The following CHL1 variants were observed in gnomAD, a reference collection of about 807,000 sequenced individuals.
CHL1 encodes cell adhesion molecule L1 like, also known as neural cell adhesion molecule L1-like protein.
In CHL1, 96 loss-of-function variants were observed where a neutral mutation model predicts 141.9. The ratio of observed to expected loss-of-function variants is 0.68; its 90% CI spans 0.57 to 0.80. The LOEUF is 0.80. CHL1 is among the 30% of genes least tolerant of loss of function. The pLI, the probability that CHL1 is intolerant of heterozygous loss-of-function variation, is 0.00. For synonymous variants in CHL1, 613 were observed against 502.2 expected (o/e 1.22, Z -2.95); for missense variants, 1,820 against 1,457.2 (o/e 1.25, Z -4.05).
At chr3:208,319 A>T (rs1324324220) in intron 1 of CHL1, among the ~76,000 whole-genome samples, 1 of 147,782 alleles carries the variant, frequency 6.8e-6, no homozygotes, top group Non-Finnish European at 1.5e-5. Context: ...TTAACAGTAA[A>T]ACAATCTGCC....
intron 15 of CHL1, among the ~76,000 whole-genome samples, chr3:375,214 G>A (rs955641529): frequency 2.6e-5 from 4 of 152,272 alleles, no homozygotes; most frequent in African/African-American, 9.6e-5. Flanking sequence ...ATGAAATGGA[G>A]CATGGCTATG....
intron 1 of CHL1, among the ~76,000 whole-genome samples, chr3:239,306 C>T (rs765673791): frequency 6.6e-6 from 1 of 152,146 alleles, no homozygotes; most frequent in Non-Finnish European, 1.5e-5. Context: ...ACTATTATCC[C>T]TTATTTACCA....
At chr3:221,114 C>T (rs542748422) in intron 1 of CHL1, among the ~76,000 whole-genome samples, 42 of 152,302 alleles carry the variant, frequency 2.8e-4, no homozygotes, top group African/African-American at 9.4e-4. Context: ...TGAGTTGTCT[C>T]ACCTTTCCAG....
rs997969836 is a variant in CHL1, at chr3:197,006, G to C, written c.-232G>C. 1 of 152,218 alleles carries C rather than the reference G, an allele frequency of 6.6e-6. No individual in the cohort carries two copies. The highest frequency in any genetic ancestry group is 1.5e-5 in the Non-Finnish European group (1 of 68,106). 9.4% of individuals were successfully genotyped at this position (152,218 alleles called of 1,614,324 possible). A position where few individuals can be genotyped will look rare whatever the true frequency, so the allele number is the denominator to read the frequency against. On this transcript the variant is annotated 5_prime_UTR_variant, in exon 1 of 28. Coordinates refer to ENST00000256509, the MANE Select transcript of CHL1 (RefSeq NM_006614.4). ...CCCCGTCCCGGCTCCCGGCCGGCTC[G>C]GGGGAGAAGGCGCCCGAGGGGAGGC...
intron 5 of CHL1, among the ~76,000 whole-genome samples, chr3:330,126 A>T (rs542512168): frequency 2.6e-5 from 4 of 152,148 alleles, no homozygotes; most frequent in African/African-American, 9.6e-5. Flanking sequence ...TTGATGATAT[A>T]TTGGGCTATG....
chr3:392,741 T>G (rs1383419203), intron 23 of CHL1, among the ~76,000 whole-genome samples: 1 of 152,230 alleles, frequency 6.6e-6, no homozygotes, highest in African/African-American at 2.4e-5. Context: ...GCAATCCAGG[T>G]CACGTATTTG....
At chr3:241,608 G>C (rs187610160) in intron 1 of CHL1, among the ~76,000 whole-genome samples, 13 of 150,074 alleles carry the variant, frequency 8.7e-5, no homozygotes, top group African/African-American at 2.7e-4. Flanking sequence ...TTTGCCTCAA[G>C]TCAGTAGAGT....
At chr3:396,745 G>T (rs1213230032) in intron 24 of CHL1, among the ~76,000 whole-genome samples, 1 of 151,998 alleles carries the variant, frequency 6.6e-6, no homozygotes, top group African/African-American at 2.4e-5. Flanking sequence ...CCAGCTAACT[G>T]CCCCCTTCCC....
At chr3:249,105 G>A (rs910440087) in intron 2 of CHL1, among the ~76,000 whole-genome samples, 3 of 152,148 alleles carry the variant, frequency 2.0e-5, no homozygotes, top group African/African-American at 7.2e-5. Flanking sequence ...GATTTTATTG[G>A]ACTGCACACG....
intron 7 of CHL1, 120 bp from the exon 8 acceptor site, chr3:342,864 G>C (rs1414500551): frequency 3.0e-6 from 2 of 664,448 alleles, no homozygotes; most frequent in Non-Finnish European, 5.0e-6. Context: ...ATGTTCTAGT[G>C]AAGCATGGTT....
chr3:239,446 C>T (rs530413260), intron 1 of CHL1, among the ~76,000 whole-genome samples: 3 of 152,150 alleles, frequency 2.0e-5, no homozygotes, highest in African/African-American at 7.2e-5. Flanking sequence ...TTGACAGACA[C>T]TGTGGTGGTA....
chr3:201,103 T>A (rs1172858342), intron 1 of CHL1, among the ~76,000 whole-genome samples: 1 of 152,180 alleles, frequency 6.6e-6, no homozygotes, highest in Non-Finnish European at 1.5e-5. Flanking sequence ...AGAAACAAAT[T>A]GGTTGGAATT....
At chr3:347,984 A>G (rs563382150) in intron 9 of CHL1, among the ~76,000 whole-genome samples, 12 of 152,322 alleles carry the variant, frequency 7.9e-5, no homozygotes, top group African/African-American at 2.9e-4. Flanking sequence ...TTGCATAAAT[A>G]ACTGAATTAT....
intron 2 of CHL1, among the ~76,000 whole-genome samples, chr3:315,080 G>T (rs1196693399): frequency 6.6e-6 from 1 of 152,100 alleles, no homozygotes; most frequent in Non-Finnish European, 1.5e-5. Context: ...ATGCTCCTTG[G>T]ATCAGAATAT....
intron 14 of CHL1, chr3:364,131 C>T (rs3773386): frequency 0.27 from 40,664 of 151,760 alleles, 6,428 homozygotes; most frequent in South Asian, 0.41. Flanking sequence ...TTCTTTCTCT[C>T]TTCCCATATA....
At chr3:324,326 CAA>C (rs1210196494) in intron 3 of CHL1, among the ~76,000 whole-genome samples, 2 of 152,030 alleles carry the variant, frequency 1.3e-5, no homozygotes, top group African/African-American at 4.8e-5. Context: ...CTTTATTTGC[CAA>C]AGTCAGGTCC....
At chr3:218,044 A>G (rs150642933) in intron 1 of CHL1, among the ~76,000 whole-genome samples, 3 of 152,136 alleles carry the variant, frequency 2.0e-5, no homozygotes, top group African/African-American at 7.2e-5. Flanking sequence ...GGCTGTTGTA[A>G]ATTATAACCC....
rs1198793150 is a variant in CHL1, at chr3:325,349, G to A, written c.92-610G>A. 2.0e-5 allele frequency among the ~76,000 whole-genome samples: 3 copies of A among 151,888 alleles called. No individual in the cohort carries two copies. In the East Asian group the frequency reaches 5.8e-4, roughly 29 times the overall value. On this transcript the variant is annotated intron_variant, in intron 3 of 27. Coordinates refer to ENST00000256509, the MANE Select transcript of CHL1 (RefSeq NM_006614.4). ...AAATGATATTTACAATTTACCCAGA[G>A]TAATTACCACTTGTGTCCATGCCTG...
intron 1 of CHL1, among the ~76,000 whole-genome samples, chr3:243,278 G>A (rs193194107): frequency 6.6e-6 from 1 of 152,248 alleles, no homozygotes. Flanking sequence ...CAACATGGGA[G>A]CCAGGTTCTG....
Sources: gnomAD v4.1 joint callset for allele counts (sites outside exome capture counted in the v4.1 genomes callset) on GRCh38, gnomAD v4.1.1 for gene constraint, MANE v1.5 for transcripts, NCBI Gene and HGNC (gene_info 2026-07-23, HGNC 2026-07-21) for gene names.